EVL: variants seen among roughly 807,000 people sequenced by gnomAD.
The protein encoded by EVL is ena/VASP-like protein.
In EVL, 21 loss-of-function variants were observed where a neutral mutation model predicts 59.6. The observed-to-expected ratio is 0.35, with a 90% CI of 0.25 to 0.51. The LOEUF (loss-of-function observed/expected upper bound fraction) is 0.51. EVL is among the 20% of genes least tolerant of loss of function. The pLI is 0.97. For missense variants in EVL, 462 were observed against 546.6 expected, an observed-to-expected ratio of 0.85 and a Z score of 1.54; for synonymous variants, 198 against 203.5, an observed-to-expected ratio of 0.97 and a Z score of 0.23.
chr14:99,988,631 A>G (rs1011139022), intron 1 of EVL, among the ~76,000 whole-genome samples: 15 of 152,352 alleles, frequency 9.8e-5, no homozygotes, highest in Admixed American at 2.6e-4. Flanking sequence ...GAACTTATAC[A>G]CAAATGATCA....
At chr14:99,982,317 CT>C (rs2140171366) in intron 1 of EVL, among the ~76,000 whole-genome samples, 1 of 152,214 alleles carries the variant, frequency 6.6e-6, no homozygotes, top group South Asian at 2.1e-4. Context: ...GTTAAAATAG[CT>C]GAATAATAGT....
intron 1 of EVL, among the ~76,000 whole-genome samples, chr14:100,018,772 C>T (rs1319178870): frequency 6.6e-6 from 1 of 152,230 alleles, no homozygotes; most frequent in Admixed American, 6.5e-5. Flanking sequence ...CAAAGAGTTG[C>T]AACCCGAATG....
intron 1 of EVL, among the ~76,000 whole-genome samples, chr14:100,027,645 A>G (rs1029792100): frequency 1.3e-5 from 2 of 151,280 alleles, no homozygotes; most frequent in African/African-American, 4.9e-5. Context: ...TTTTTAATCC[A>G]TTCATCTGTT....
At chr14:100,026,107 C>T (rs1251209354) in intron 1 of EVL, among the ~76,000 whole-genome samples, 3 of 151,590 alleles carry the variant, frequency 2.0e-5, no homozygotes, top group South Asian at 2.1e-4. Flanking sequence ...AAAAATTAGC[C>T]GGGCATGGTG....
At chr14:100,064,551 T>TTAGAGA (rs2061892731), upstream of EVL, among the ~76,000 whole-genome samples, 2 of 152,356 alleles carry the variant, frequency 1.3e-5, no homozygotes, top group South Asian at 4.1e-4. Context: ...CTGACTTAAA[T>TTAGAGA]GTCATCATTA....
chr14:100,092,944 T>G (rs1362742027), intron 2 of EVL, among the ~76,000 whole-genome samples: 1 of 152,144 alleles, frequency 6.6e-6, no homozygotes, highest in African/African-American at 2.4e-5. Flanking sequence ...TACAAGTGAG[T>G]GTTGGGTGAT....
Position 99,997,524 on chromosome 14 carries a change from T to A in EVL, c.5+25467T>A, listed in dbSNP as rs147725611. On this transcript the variant is annotated intron_variant, in intron 1 of 13. Coordinates refer to the EVL transcript ENST00000402714. ...ATTTTGATTCTGGGAGAGGAAAAGA[T>A]TAGGACAAGAAAGGTATGGGGAGGG... Among the ~76,000 whole-genome samples, 65 of 152,308 alleles carry A rather than the reference T, an allele frequency of 4.3e-4. No individual in the cohort carries two copies. The East Asian group carries it at 0.012, about 29-fold the overall frequency.
chr14:100,090,269 C>G (rs1245546216), intron 2 of EVL, among the ~76,000 whole-genome samples: 1 of 152,136 alleles, frequency 6.6e-6, no homozygotes, highest in South Asian at 2.1e-4. Context: ...GGGGAAATCA[C>G]TACAGATCCT....
In EVL at chr14:100,040,608, A is replaced by C. The variant is rs115800376; in HGVS notation, c.6-44079A>C. On this transcript the variant is annotated intron_variant, in intron 1 of 13. Coordinates refer to the EVL transcript ENST00000402714. ...CTTTGCTTTTATCTCCCCAGTCTGC[A>C]CCAAAGGGTTTATATATTGAATAGT... Among the ~76,000 whole-genome samples the C allele has an allele frequency of 6.1e-3, 934 of 152,238 alleles. 10 individuals are homozygous for C. Among genetic ancestry groups the C allele is most frequent in the African/African-American group, 0.021 (863 of 41,532 alleles).
intron 1 of EVL, among the ~76,000 whole-genome samples, chr14:100,056,279 A>G (rs889275794): frequency 1.4e-5 from 2 of 142,200 alleles, no homozygotes; most frequent in Non-Finnish European, 3.1e-5. Flanking sequence ...CTTTTTCCCT[A>G]CCTGATGTTT....
At chr14:99,995,573 G>A (rs2060907837) in intron 1 of EVL, among the ~76,000 whole-genome samples, 1 of 151,940 alleles carries the variant, frequency 6.6e-6, no homozygotes, top group Non-Finnish European at 1.5e-5. Context: ...GAATTCTTTG[G>A]TAATTCATAT....
chr14:100,008,979 A>G (rs913850988), intron 1 of EVL, among the ~76,000 whole-genome samples: 5 of 152,266 alleles, frequency 3.3e-5, no homozygotes, highest in African/African-American at 9.6e-5. Flanking sequence ...AGTCCTGATT[A>G]TCAGAAATGG....
chr14:100,086,921 G>A (rs929265030), intron 2 of EVL, among the ~76,000 whole-genome samples: 40 of 152,278 alleles, frequency 2.6e-4, no homozygotes, highest in African/African-American at 9.4e-4. Flanking sequence ...TAGAGAAAAT[G>A]GCAGGAAATC....
chr14:100,120,715 A>C (rs938855699), intron 3 of EVL, among the ~76,000 whole-genome samples: 1 of 152,196 alleles, frequency 6.6e-6, no homozygotes, highest in African/African-American at 2.4e-5. Flanking sequence ...CGCAGCCACA[A>C]GGTGGCCTGG....
intron 1 of EVL, among the ~76,000 whole-genome samples, chr14:100,033,983 C>T (rs1384116947): frequency 6.6e-6 from 1 of 151,966 alleles, no homozygotes; most frequent in African/African-American, 2.4e-5. Flanking sequence ...CCCAGAACTT[C>T]AGGAGGCCGA....
intron 1 of EVL, among the ~76,000 whole-genome samples, chr14:99,993,886 G>T (rs2060893387): frequency 1.3e-5 from 2 of 151,274 alleles, no homozygotes; most frequent in Non-Finnish European, 3.0e-5. Context: ...TAGAGACGGA[G>T]TTTCACCATG....
chr14:99,973,508 G>T (rs957971452), intron 1 of EVL, among the ~76,000 whole-genome samples: 1 of 152,202 alleles, frequency 6.6e-6, no homozygotes, highest in African/African-American at 2.4e-5. Context: ...TGTTGCCCAG[G>T]CTGGAGTGCA....
At chr14:99,996,916 G>A (rs190614298) in intron 1 of EVL, among the ~76,000 whole-genome samples, 1 of 152,306 alleles carries the variant, frequency 6.6e-6, no homozygotes, top group Admixed American at 6.5e-5. Flanking sequence ...CTCCCAAAGT[G>A]CAGGATTACA....
At chr14:100,122,870 C>T (rs530897576) in intron 3 of EVL, among the ~76,000 whole-genome samples, 3 of 152,340 alleles carry the variant, frequency 2.0e-5, no homozygotes, top group South Asian at 2.1e-4. Flanking sequence ...CGGGGTCCCT[C>T]CTTCAGGGTC....
Sources: gnomAD v4.1 joint callset for allele counts (sites outside exome capture counted in the v4.1 genomes callset) on GRCh38, gnomAD v4.1.1 for gene constraint, MANE v1.5 for transcripts, NCBI Gene and HGNC (gene_info 2026-07-23, HGNC 2026-07-21) for gene names.